ANOS1: variants seen among roughly 807,000 people sequenced by gnomAD.
ANOS1 encodes the protein anosmin 1, also known as anosmin-1.
ANOS1 carries 6 observed loss-of-function variants against 59.0 expected under a neutral mutation model. The ratio of observed to expected loss-of-function variants is 0.10; its 90% confidence interval spans 0.06 to 0.20. ANOS1 has a LOEUF of 0.20. Ranked by LOEUF, ANOS1 falls within the 10% of genes least tolerant of loss-of-function variation. The pLI is 1.00. For synonymous variants in ANOS1, 217 were observed against 223.4 expected (o/e 0.97, Z 0.25); for missense variants, 433 against 542.3 (o/e 0.80, Z 2.00).
chrX:8,619,328 G>A (rs1218098811), intron 3 of ANOS1, among the ~76,000 whole-genome samples: 3 of 111,201 alleles, frequency 2.7e-5, no homozygotes, highest in South Asian at 3.7e-4. Flanking sequence ...TTTATTGGCC[G>A]GGCAAGGTGG....
intron 2 of ANOS1, among the ~76,000 whole-genome samples, chrX:8,693,731 G>C (rs1048895108): frequency 1.1e-5 from 1 of 90,771 alleles, no homozygotes; most frequent in South Asian, 5.4e-4. Flanking sequence ...AATATTGCAT[G>C]AATTTTTTTT....
At chrX:8,576,932 A>G (rs1315258837) in intron 6 of ANOS1, among the ~76,000 whole-genome samples, 1 of 111,775 alleles carries the variant, frequency 8.9e-6, no homozygotes, top group Non-Finnish European at 1.9e-5. Context: ...GCCAGATAGT[A>G]AAGATTTTAG....
chrX:8,623,813 T>C, intron 2 of ANOS1, 143 bp from the exon 3 acceptor site: 2 of 509,472 alleles, frequency 3.9e-6, no homozygotes, highest in South Asian at 2.8e-5. Context: ...GCTGCTCTTT[T>C]TAACTGGGTA....
chrX:8,692,138 C>T (rs1173412755), intron 2 of ANOS1, among the ~76,000 whole-genome samples: 1 of 110,689 alleles, frequency 9.0e-6, no homozygotes, highest in African/African-American at 3.3e-5. Flanking sequence ...TTTTGTAGAA[C>T]CAGTAAGCTA....
intron 2 of ANOS1, among the ~76,000 whole-genome samples, chrX:8,669,280 T>C (rs1005438005): frequency 8.9e-6 from 1 of 111,940 alleles, no homozygotes; most frequent in East Asian, 2.8e-4. Flanking sequence ...TAGGAAATCA[T>C]GGTATAAGAT....
intron 2 of ANOS1, among the ~76,000 whole-genome samples, chrX:8,691,232 C>T (rs1192222874): frequency 8.2e-5 from 9 of 109,864 alleles, no homozygotes; most frequent in African/African-American, 2.7e-4. Context: ...CACCACCACA[C>T]CCGGCTAATT....
At chrX:8,570,448 G>A in intron 7 of ANOS1, 51 bp downstream of exon 7, 1 of 1,096,491 alleles carries the variant, frequency 9.1e-7, no homozygotes, top group Non-Finnish European at 1.3e-6. Flanking sequence ...GTTGCCTTGA[G>A]TTGAAATACC....
intron 2 of ANOS1, among the ~76,000 whole-genome samples, chrX:8,672,440 T>C (rs917567434): frequency 5.3e-5 from 6 of 112,466 alleles, no homozygotes; most frequent in Non-Finnish European, 1.1e-4. Context: ...CTGAATTGGC[T>C]TGAAGCAGTG....
At chrX:8,668,070 T>G (rs2146878083) in intron 2 of ANOS1, among the ~76,000 whole-genome samples, 1 of 109,171 alleles carries the variant, frequency 9.2e-6, no homozygotes, top group South Asian at 4.1e-4. Context: ...GGGGAACAGG[T>G]GGTATTTGGT....
rs189511004 is a variant in ANOS1, at chrX:8,728,419, C to T, written c.207+3411G>A. Among the ~76,000 whole-genome samples the T allele has an allele frequency of 6.6e-4, 74 of 111,963 alleles. 1 individual carries two copies. Among genetic ancestry groups the T allele is most frequent in the African/African-American group, 2.3e-3 (72 of 30,804 alleles). ...TGCATCCTGATTGCATCTTGCAGGGCAGGTGCTTCTCTCCCCCACTGGGCA... is the reference window on the plus strand; with the variant it reads ...TGCATCCTGATTGCATCTTGCAGGGTAGGTGCTTCTCTCCCCCACTGGGCA... On this transcript the variant is annotated intron_variant, in intron 1 of 13. Transcript: ENST00000262648.
intron 1 of ANOS1, among the ~76,000 whole-genome samples, chrX:8,710,241 T>C (rs890037665): frequency 8.9e-6 from 1 of 112,144 alleles, no homozygotes; most frequent in Admixed American, 9.5e-5. Flanking sequence ...TGTTATCTTA[T>C]AAATTTATGA....
chrX:8,595,444 A>AG (rs1298992238), intron 4 of ANOS1, among the ~76,000 whole-genome samples: 1 of 110,439 alleles, frequency 9.1e-6, no homozygotes, highest in African/African-American at 3.3e-5. Context: ...AGAAAAAAAA[A>AG]CCGGTTGAAT....
At chrX:8,660,852 G>A (rs138097836) in intron 2 of ANOS1, among the ~76,000 whole-genome samples, 1,339 of 111,560 alleles carry the variant, frequency 0.012, 8 homozygotes, top group Middle Eastern at 0.051. Flanking sequence ...ACAGCAAACA[G>A]GAGGACAAGA....
At chrX:8,725,506 A>G (rs1263434898) in intron 1 of ANOS1, among the ~76,000 whole-genome samples, 46 of 104,416 alleles carry the variant, frequency 4.4e-4, no homozygotes, top group African/African-American at 1.5e-3. Flanking sequence ...GTGGATAAAT[A>G]ATATTATATA....
intron 2 of ANOS1, among the ~76,000 whole-genome samples, chrX:8,657,792 T>C (rs1050592484): frequency 3.6e-5 from 4 of 110,657 alleles, no homozygotes; most frequent in Non-Finnish European, 3.8e-5. Context: ...ACCTCAGAGG[T>C]TGGCACAGTC....
chrX:8,578,424 G>T (rs1329991946), intron 6 of ANOS1, among the ~76,000 whole-genome samples: 1 of 111,046 alleles, frequency 9.0e-6, no homozygotes, highest in Non-Finnish European at 1.9e-5. Flanking sequence ...TTGCCCATTG[G>T]AAATGGCACA....
At chrX:8,674,773 A>G (rs1200823038) in intron 2 of ANOS1, among the ~76,000 whole-genome samples, 1 of 112,587 alleles carries the variant, frequency 8.9e-6, no homozygotes, top group Non-Finnish European at 1.9e-5. Flanking sequence ...TGAAGACTTC[A>G]TAAGAAAATG....
At chrX:8,595,366 T>C (rs1211409976) in intron 4 of ANOS1, among the ~76,000 whole-genome samples, 1 of 111,443 alleles carries the variant, frequency 9.0e-6, no homozygotes, top group Non-Finnish European at 1.9e-5. Flanking sequence ...CATCACTTGG[T>C]AAGAAGAGAA....
chrX:8,611,704 T>TA (rs766817177), intron 3 of ANOS1, among the ~76,000 whole-genome samples: 10 of 108,408 alleles, frequency 9.2e-5, no homozygotes, highest in Admixed American at 4.0e-4. Context: ...AAATGCTATT[T>TA]AAAAAAAAAA....
Sources: gnomAD v4.1 joint callset for allele counts (sites outside exome capture counted in the v4.1 genomes callset) on GRCh38, gnomAD v4.1.1 for gene constraint, MANE v1.5 for transcripts, NCBI Gene and HGNC (gene_info 2026-07-23, HGNC 2026-07-21) for gene names.